Variants in PCDHGA7 observed in about 807,000 individuals in gnomAD.
PCDHGA7 encodes the protein protocadherin gamma-A7.
A neutral mutation model predicts 58.3 loss-of-function variants in PCDHGA7; 44 were observed. The observed-to-expected ratio is 0.75, with a 90% confidence interval of 0.59 to 0.97. PCDHGA7 has a LOEUF of 0.97. Among genes scored for constraint, PCDHGA7 ranks in the 50% least tolerant of loss-of-function variants. The pLI, the probability that PCDHGA7 is intolerant of heterozygous loss-of-function variation, is 0.00. For missense variants in PCDHGA7, 1,266 were observed against 1,188.7 expected (o/e 1.06, Z -0.96); for synonymous variants, 516 against 504.2 (o/e 1.02, Z -0.31).
chr5:141,391,303 ATTCTTTTTTTT>A (rs2092340493), intron 1 of PCDHGA7: 1 of 150,682 alleles, frequency 6.6e-6, no homozygotes, highest in South Asian at 2.1e-4. Flanking sequence ...ACGTCTTTCG[ATTCTTTTTTTT>A]TTCTTTTTTT....
intron 1 of PCDHGA7, among the ~76,000 whole-genome samples, chr5:141,456,862 C>T (rs1385304686): frequency 6.6e-6 from 1 of 152,086 alleles, no homozygotes; most frequent in Non-Finnish European, 1.5e-5. Context: ...AATTGGGAGG[C>T]TGAGGCAGGA....
chr5:141,422,263 C>T lies in PCDHGA7; in HGVS notation c.2424+36940C>T, dbSNP rs755271863. On this transcript the variant is annotated intron_variant, in intron 1 of 3. Transcript: ENST00000518325. ...TGTTGTGGATGTGAATGATAACGCT[C>T]CAGAAATAACTATCACCTCTTCTAT... is the stretch of plus-strand genomic sequence containing the variant. 1.0e-5 allele frequency: 16 copies of T among 1,563,686 alleles called. No individual in the cohort carries two copies. The South Asian group carries it at 1.7e-4, about 17-fold the overall frequency.
chr5:141,427,111 C>G (rs1324091636), intron 1 of PCDHGA7: 7 of 457,560 alleles, frequency 1.5e-5, no homozygotes, highest in South Asian at 1.1e-4. Context: ...GCGGAGATCA[C>G]CTACTCTTTC....
chr5:141,464,310 A>T lies in PCDHGA7; in HGVS notation c.2425-30497A>T, dbSNP rs1327900308. ...AAAAAACTCCATTGTATGTGCACAT[A>T]TCATTATCTGTTCAACCCATCTATG... On this transcript the variant is annotated intron_variant, in intron 1 of 3. Coordinates refer to ENST00000518325, the MANE Select transcript of PCDHGA7 (RefSeq NM_018920.4). 2.0e-5 allele frequency among the ~76,000 whole-genome samples: 3 copies of T among 151,494 alleles called. No homozygotes were observed. The East Asian group carries it at 5.8e-4, about 29-fold the overall frequency.
chr5:141,417,709 C>T lies in PCDHGA7; in HGVS notation c.2424+32386C>T, dbSNP rs533902963. 1.5e-5 allele frequency: 18 copies of T among 1,238,872 alleles called. No individual in the cohort carries two copies. The East Asian group carries it at 1.8e-4, about 12-fold the overall frequency. 76.7% of individuals were successfully genotyped at this position (1,238,872 alleles called of 1,614,324 possible). ...AAGAAAACCAGCTCCCACACAGAGG[C>T]TCCCGGCTGCGCAGACCTTGCCCAG... On this transcript the variant is annotated intron_variant, in intron 1 of 3. Coordinates refer to ENST00000518325, the MANE Select transcript of PCDHGA7 (RefSeq NM_018920.4).
intron 1 of PCDHGA7, chr5:141,410,854 T>C: frequency 2.6e-6 from 1 of 387,418 alleles, no homozygotes; most frequent in Non-Finnish European, 4.2e-6. Flanking sequence ...TTTGTCTTTT[T>C]TTTTTTTTTT....
At chr5:141,452,742 G>C (rs779371001) in intron 1 of PCDHGA7, among the ~76,000 whole-genome samples, 7 of 152,010 alleles carry the variant, frequency 4.6e-5, no homozygotes, top group Non-Finnish European at 8.8e-5. Context: ...GGAAGAGAGA[G>C]AAGGAAGAAG....
At chr5:141,497,092 G>C (rs2099773958) in intron 2 of PCDHGA7, among the ~76,000 whole-genome samples, 1 of 152,092 alleles carries the variant, frequency 6.6e-6, no homozygotes, top group Admixed American at 6.5e-5. Flanking sequence ...AGGAGGCTGA[G>C]GCAGAACTGC....
chr5:141,402,867 C>T, intron 1 of PCDHGA7: 2 of 1,443,510 alleles, frequency 1.4e-6, no homozygotes, highest in Non-Finnish European at 1.8e-6. Context: ...AGGAAAAGAT[C>T]ACCATACTTT....
chr5:141,462,652 A>T (rs201168659), intron 1 of PCDHGA7, among the ~76,000 whole-genome samples: 1 of 80,348 alleles, frequency 1.2e-5, no homozygotes, highest in African/African-American at 7.4e-5. Flanking sequence ...TTCCATCCTC[A>T]ATTATCTTCA....
At position 141,436,830 on chromosome 5, in the gene PCDHGA7, T is replaced by C. The variant is rs1054296892; in HGVS notation, c.2424+51507T>C. On this transcript the variant is annotated intron_variant, in intron 1 of 3. Coordinates refer to ENST00000518325, the MANE Select transcript of PCDHGA7 (RefSeq NM_018920.4). ...TGACAGCTGGTTTAAAAATCTTAAGTGCCTAGGCACATTCTTGATTGAGAA... is the reference window on the plus strand; with the variant it reads ...TGACAGCTGGTTTAAAAATCTTAAGCGCCTAGGCACATTCTTGATTGAGAA... Among the ~76,000 whole-genome samples, 37 of 152,252 alleles carry C rather than the reference T, an allele frequency of 2.4e-4. 1 individual carries two copies.
At chr5:141,403,342 C>T (rs766669117) in intron 1 of PCDHGA7, 4 of 1,613,976 alleles carry the variant, frequency 2.5e-6, no homozygotes, top group African/African-American at 1.3e-5. Context: ...ACGACAGCGC[C>T]CCAAAGTTCC....
At chr5:141,464,411 A>G (rs1029342220) in intron 1 of PCDHGA7, among the ~76,000 whole-genome samples, 3 of 151,624 alleles carry the variant, frequency 2.0e-5, no homozygotes, top group Admixed American at 6.6e-5. Flanking sequence ...AGATATATAT[A>G]TATCTATATA....
At chr5:141,394,203 A>G (rs1380354099) in intron 1 of PCDHGA7, 1 of 1,613,814 alleles carries the variant, frequency 6.2e-7, no homozygotes, top group Non-Finnish European at 8.5e-7. Context: ...TATCCTAGAG[A>G]ACAACCTGAG....
At chr5:141,499,648 CAT>C (rs1434824310) in intron 2 of PCDHGA7, among the ~76,000 whole-genome samples, 2 of 148,784 alleles carry the variant, frequency 1.3e-5, no homozygotes, top group Admixed American at 6.7e-5. Flanking sequence ...TCTCAGACAT[CAT>C]ATAATTTCAT....
intron 2 of PCDHGA7, among the ~76,000 whole-genome samples, chr5:141,497,671 C>T (rs1026356633): frequency 6.6e-5 from 10 of 151,878 alleles, no homozygotes; most frequent in African/African-American, 2.4e-4. Flanking sequence ...TCCCGAGTAG[C>T]TGGGACAGCA....
At position 141,477,572 on chromosome 5, in the gene PCDHGA7, G is replaced by A. The variant is rs375416133; in HGVS notation, c.2425-17235G>A. The A allele has an allele frequency of 6.2e-7, 1 of 1,614,112 alleles. No homozygotes were observed. The highest frequency in any genetic ancestry group is 8.5e-7 in the Non-Finnish European group (1 of 1,180,030). On this transcript the variant is annotated intron_variant, in intron 1 of 3. Coordinates refer to ENST00000518325, the MANE Select transcript of PCDHGA7 (RefSeq NM_018920.4). This position sits in a 1 kb window ranked among gnomAD's most constrained non-coding sequence, Gnocchi z 4.9. ...AAACCTAAGTGTCTGGGACCCCGAC[G>A]CCCCGCAGAATGCTCGGCTTTCTTT...
Position 141,382,904 on chromosome 5 carries a change from C to G in PCDHGA7, c.5C>G (p.Ala2Gly). 6.5e-7 allele frequency: 1 copy of G among 1,543,132 alleles called. No homozygotes were observed. Among genetic ancestry groups the G allele is most frequent in the Non-Finnish European group, 8.7e-7 (1 of 1,146,398 alleles). M[A>G]AQPRGGDYRG... ...AGCAAGAGAAGCAGGACGACTATGGCGGCTCAGCCGAGGGGCGGGGACTAC... is the reference window on the plus strand; with the variant it reads ...AGCAAGAGAAGCAGGACGACTATGGGGGCTCAGCCGAGGGGCGGGGACTAC... The change falls in exon 1 of 4, where the codon GCG becomes GGG. Residue 2 changes from alanine (A) to glycine (G), a missense_variant. Ala to Gly is a moderately conservative substitution (Grantham distance 60). Coordinates refer to ENST00000518325, the MANE Select transcript of PCDHGA7 (RefSeq NM_018920.4).
chr5:141,489,666 C>A lies in PCDHGA7; in HGVS notation c.2425-5141C>A. On this transcript the variant is annotated intron_variant, in intron 1 of 3. Transcript: ENST00000518325. The surrounding 1 kb of genome is among the most constrained non-coding windows in gnomAD (Gnocchi z 4.5). ...CCACCCCTGAGCGAGAGATGCGCAT[C>A]TCAGAATCAGCAGCATCTGGGGCAC... 1.2e-6 allele frequency: 2 copies of A among 1,614,222 alleles called. No homozygotes were observed. Among genetic ancestry groups the A allele is most frequent in the Non-Finnish European group, 1.7e-6 (2 of 1,180,036 alleles).
Sources: gnomAD v4.1 joint callset for allele counts (sites outside exome capture counted in the v4.1 genomes callset) on GRCh38, gnomAD v4.1.1 for gene constraint, Gnocchi (gnomAD v3.1) non-coding constraint, MANE v1.5 for transcripts, NCBI Gene and HGNC (gene_info 2026-07-23, HGNC 2026-07-21) for gene names.